Variants in ZEB1 observed in about 807,000 individuals in gnomAD.
The protein encoded by ZEB1 is zinc finger E-box binding homeobox 1, also known as zinc finger E-box-binding homeobox 1.
Under a neutral mutation model 84.9 loss-of-function variants are expected in ZEB1, and 21 were observed. That is an observed-to-expected ratio of 0.25 (90% CI 0.18 to 0.36). The LOEUF (loss-of-function observed/expected upper bound fraction) is 0.36. Among genes scored for constraint, ZEB1 ranks in the 10% least tolerant of loss-of-function variants. ZEB1 has a pLI of 1.00. For synonymous variants in ZEB1, 420 were observed against 471.1 expected (o/e 0.89, Z 1.41); for missense variants, 1,104 against 1,330.2 (o/e 0.83, Z 2.65).
intron 1 of ZEB1, chr10:31,321,675 A>T: frequency 8.5e-7 from 1 of 1,173,020 alleles, no homozygotes; most frequent in East Asian, 2.3e-5. Context: ...TGCTGTAAAC[A>T]TGTTTACCTG....
At chr10:31,496,082 A>G (rs1049083507) in intron 3 of ZEB1, among the ~76,000 whole-genome samples, 1 of 152,090 alleles carries the variant, frequency 6.6e-6, no homozygotes, top group African/African-American at 2.4e-5. Context: ...AATGACAAGT[A>G]TAACCTACAG....
chr10:31,318,501 A>C (rs2032806539), upstream of ZEB1: 1 of 152,948 alleles, frequency 6.5e-6, no homozygotes, highest in Non-Finnish European at 1.5e-5. Context: ...CATTGAAGTC[A>C]CTTCCCATCC....
intron 1 of ZEB1, chr10:31,321,098 G>T: frequency 1.0e-6 from 1 of 994,530 alleles, no homozygotes. Context: ...AAACTCTCTC[G>T]TGCTCCCCCA....
intron 1 of ZEB1, among the ~76,000 whole-genome samples, chr10:31,322,251 G>A (rs2034285565): frequency 6.6e-6 from 1 of 152,196 alleles, no homozygotes; most frequent in African/African-American, 2.4e-5. Flanking sequence ...CTCAGTATAT[G>A]TGCTGGTTAA....
intron 1 of ZEB1, among the ~76,000 whole-genome samples, chr10:31,440,930 T>G (rs1454704897): frequency 6.6e-6 from 1 of 152,144 alleles, no homozygotes; most frequent in Non-Finnish European, 1.5e-5. Flanking sequence ...TGGAAGAACA[T>G]TCCATGCTCA....
chr10:31,415,992 AG>A (rs1203322203), intron 1 of ZEB1, among the ~76,000 whole-genome samples: 12 of 152,098 alleles, frequency 7.9e-5, no homozygotes, highest in Non-Finnish European at 1.2e-4. Flanking sequence ...TAATAATCTT[AG>A]TTGTAAATAC....
At chr10:31,335,122 T>A (rs1048566692) in intron 1 of ZEB1, among the ~76,000 whole-genome samples, 1 of 152,154 alleles carries the variant, frequency 6.6e-6, no homozygotes, top group South Asian at 2.1e-4. Context: ...CTTATCCATC[T>A]GTAGGTGGTT....
intron 1 of ZEB1, among the ~76,000 whole-genome samples, chr10:31,409,862 A>G (rs2053900783): frequency 1.3e-5 from 2 of 152,192 alleles, no homozygotes; most frequent in Non-Finnish European, 2.9e-5. Flanking sequence ...TTGATTTTGT[A>G]TCCTGAGACT....
intron 1 of ZEB1, among the ~76,000 whole-genome samples, chr10:31,460,383 C>G (rs578221246): frequency 1.3e-5 from 2 of 152,160 alleles, no homozygotes; most frequent in South Asian, 2.1e-4. Context: ...TTGGTTGATT[C>G]TTTCTAAAGT....
chr10:31,491,271 G>A (rs1193357147), intron 2 of ZEB1, among the ~76,000 whole-genome samples: 1 of 151,748 alleles, frequency 6.6e-6, no homozygotes, highest in African/African-American at 2.4e-5. Flanking sequence ...GGGAGAGAAA[G>A]AGCTCAGTGG....
chr10:31,414,476 C>T (rs1383292988), intron 1 of ZEB1, among the ~76,000 whole-genome samples: 1 of 152,128 alleles, frequency 6.6e-6, no homozygotes, highest in East Asian at 1.9e-4. Flanking sequence ...GCATCACTAT[C>T]TTATGTAGCT....
At position 31,358,578 on chromosome 10, in the gene ZEB1, C is replaced by T. The variant is rs891402422; in HGVS notation, c.58+39286C>T. On this transcript the variant is annotated intron_variant, in intron 1 of 8. Coordinates refer to ENST00000424869, the MANE Select transcript of ZEB1 (RefSeq NM_001174096.2). ...AAAAGTATATTTTCTCTCAGCTCTT[C>T]TCTCCAAAGGAGTTTTGTATCATAA... 5 of 152,308 alleles carry T rather than the reference C, an allele frequency of 3.3e-5. No individual in the cohort carries two copies. The East Asian group carries it at 7.7e-4, about 23-fold the overall frequency. 9.4% of individuals were successfully genotyped at this position (152,308 alleles called of 1,614,324 possible).
chr10:31,513,238 T>G (rs1205542042), intron 5 of ZEB1, among the ~76,000 whole-genome samples: 1 of 152,160 alleles, frequency 6.6e-6, no homozygotes, highest in African/African-American at 2.4e-5. Flanking sequence ...ATATGCTTGC[T>G]GATGGATTGG....
chr10:31,436,450 CT>C (rs1206958580), intron 1 of ZEB1, among the ~76,000 whole-genome samples: 2 of 151,776 alleles, frequency 1.3e-5, no homozygotes, highest in African/African-American at 2.4e-5. Context: ...CTTCTGCTGT[CT>C]TTGGAGAGAC....
At chr10:31,446,705 C>G (rs2059828473) in intron 1 of ZEB1, among the ~76,000 whole-genome samples, 1 of 152,088 alleles carries the variant, frequency 6.6e-6, no homozygotes, top group Admixed American at 6.6e-5. Flanking sequence ...TGTTCAGTTT[C>G]CATGTAGTTG....
intron 1 of ZEB1, among the ~76,000 whole-genome samples, chr10:31,398,356 A>G (rs1160025793): frequency 6.6e-6 from 1 of 152,122 alleles, no homozygotes; most frequent in African/African-American, 2.4e-5. Context: ...ATGAGATACT[A>G]TGATTCTAAA....
intron 1 of ZEB1, among the ~76,000 whole-genome samples, chr10:31,398,991 CTT>C (rs34530318): frequency 1.1e-3 from 148 of 133,080 alleles, no homozygotes; most frequent in South Asian, 2.2e-3. Flanking sequence ...GTCCTTTAGT[CTT>C]TTTTTTTTTT....
At chr10:31,507,214 G>A in intron 4 of ZEB1, among the ~76,000 whole-genome samples, 1 of 152,188 alleles carries the variant, frequency 6.6e-6, no homozygotes, top group African/African-American at 2.4e-5. Flanking sequence ...TAGTCGTATG[G>A]AGGTTCCCTT....
At chr10:31,502,906 G>T (rs750649680) in intron 4 of ZEB1, among the ~76,000 whole-genome samples, 3 of 152,074 alleles carry the variant, frequency 2.0e-5, no homozygotes, top group Non-Finnish European at 4.4e-5. Flanking sequence ...GGAAACAGTG[G>T]TTTTCCTGAA....
Sources: allele counts gnomAD v4.1 joint callset (sites outside exome capture counted in the v4.1 genomes callset), GRCh38; gene constraint gnomAD v4.1.1; transcripts MANE v1.5; gene names NCBI Gene and HGNC (gene_info 2026-07-23, HGNC 2026-07-21).